The following DTNB variants were observed in gnomAD, a reference collection of about 807,000 sequenced individuals.
DTNB encodes DTN-B.
Under a neutral mutation model 90.7 loss-of-function variants are expected in DTNB, and 63 were observed. That is an observed-to-expected ratio of 0.69 (90% CI 0.57 to 0.86). The LOEUF (loss-of-function observed/expected upper bound fraction) is 0.86. DTNB is among the 40% of genes least tolerant of loss of function. The pLI is 0.00. For missense variants in DTNB, 744 were observed against 807.1 expected, an observed-to-expected ratio of 0.92 and a Z score of 0.95; for synonymous variants, 277 against 286.7, an observed-to-expected ratio of 0.97 and a Z score of 0.34.
chr2:25,486,136 A>C (rs1425712975), intron 9 of DTNB, among the ~76,000 whole-genome samples: 1 of 150,320 alleles, frequency 6.7e-6, no homozygotes, highest in Non-Finnish European at 1.5e-5. Flanking sequence ...AAATAAAATA[A>C]AATAAAATAA....
chr2:25,543,909 A>G (rs1367738148), intron 8 of DTNB, among the ~76,000 whole-genome samples: 1 of 152,186 alleles, frequency 6.6e-6, no homozygotes, highest in East Asian at 1.9e-4. Flanking sequence ...TAGTTTTATG[A>G]ATTAGATGTT....
chr2:25,460,086 A>G (rs891983530), intron 10 of DTNB, among the ~76,000 whole-genome samples: 4 of 152,184 alleles, frequency 2.6e-5, no homozygotes, highest in African/African-American at 9.6e-5. Context: ...AGAGGTCGTA[A>G]GAAATAACAG....
chr2:25,547,783 C>T lies in DTNB; in HGVS notation c.877-16186G>A, dbSNP rs142991441. The stretch of plus-strand genomic sequence containing the variant: ...TGAAAGAACTCACCTGTGAAATAGT[C>T]GAGGCTTGATGCTTTCTTTGGAATG... On this transcript the variant is annotated intron_variant, in intron 8 of 20. Coordinates refer to ENST00000406818, the MANE Select transcript of DTNB (RefSeq NM_021907.5). 2.4e-3 allele frequency among the ~76,000 whole-genome samples: 363 copies of T among 152,226 alleles called. 2 individuals are homozygous for T. The highest frequency in any genetic ancestry group is 8.4e-3 in the African/African-American group (349 of 41,540).
intron 4 of DTNB, among the ~76,000 whole-genome samples, chr2:25,626,723 T>C (rs1233397551): frequency 2.6e-5 from 4 of 152,280 alleles, no homozygotes; most frequent in Non-Finnish European, 4.4e-5. Context: ...GACATTTCCA[T>C]AGTGTTACCA....
chr2:25,505,464 G>C (rs189367735), intron 9 of DTNB, among the ~76,000 whole-genome samples: 1 of 152,060 alleles, frequency 6.6e-6, no homozygotes, highest in African/African-American at 2.4e-5. Context: ...TTTTGAAGGT[G>C]GTAAACTTTT....
intron 3 of DTNB, among the ~76,000 whole-genome samples, chr2:25,633,220 G>A (rs1039722975): frequency 2.0e-5 from 3 of 152,196 alleles, no homozygotes; most frequent in African/African-American, 7.2e-5. Context: ...CCGAGCCGAA[G>A]CTGGACTGTA....
chr2:25,414,570 A>T (rs1427414152), intron 16 of DTNB, among the ~76,000 whole-genome samples: 1 of 152,128 alleles, frequency 6.6e-6, no homozygotes, highest in African/African-American at 2.4e-5. Flanking sequence ...CTTTTTGATA[A>T]AGGATATTTC....
chr2:25,482,765 C>A, intron 10 of DTNB, 31 bp downstream of exon 10: 2 of 1,610,922 alleles, frequency 1.2e-6, no homozygotes, highest in African/African-American at 1.3e-5. Flanking sequence ...CAGAGGCCAA[C>A]ACCCAAGTCG....
chr2:25,496,877 C>T (rs1558766021), intron 9 of DTNB, among the ~76,000 whole-genome samples: 1 of 151,926 alleles, frequency 6.6e-6, no homozygotes, highest in Non-Finnish European at 1.5e-5. Context: ...GTGGGCTGCC[C>T]ATTTAATAGA....
chr2:25,542,674 T>C (rs1364892817), intron 8 of DTNB, among the ~76,000 whole-genome samples: 2 of 152,220 alleles, frequency 1.3e-5, no homozygotes, highest in African/African-American at 2.4e-5. Context: ...TGTAAATATA[T>C]TGAGCAAATT....
At chr2:25,408,471 G>A (rs1381155711) in intron 16 of DTNB, among the ~76,000 whole-genome samples, 3 of 149,520 alleles carry the variant, frequency 2.0e-5, no homozygotes, top group African/African-American at 5.0e-5. Context: ...CCCAGGAGGT[G>A]GAGGTTGCAG....
intron 6 of DTNB, among the ~76,000 whole-genome samples, chr2:25,588,200 C>A (rs1260507358): frequency 6.6e-6 from 1 of 151,308 alleles, no homozygotes; most frequent in Admixed American, 6.6e-5. Flanking sequence ...AAAAAAAAGG[C>A]TCTAAAAAGC....
intron 3 of DTNB, among the ~76,000 whole-genome samples, chr2:25,635,828 G>A (rs766408852): frequency 1.1e-4 from 16 of 152,208 alleles, no homozygotes; most frequent in Admixed American, 3.3e-4. Context: ...AAAGTAGGAA[G>A]ACTTGCCTTG....
At chr2:25,419,733 C>G (rs775560935) in intron 15 of DTNB, among the ~76,000 whole-genome samples, 198 bp from the exon 16 acceptor site, 1 of 152,052 alleles carries the variant, frequency 6.6e-6, no homozygotes, top group Non-Finnish European at 1.5e-5. Flanking sequence ...GGCCTCGGCC[C>G]GGTGAGTGAT....
chr2:25,592,538 T>C (rs1477487621), intron 6 of DTNB, among the ~76,000 whole-genome samples: 1 of 151,800 alleles, frequency 6.6e-6, no homozygotes. Flanking sequence ...CTAAACTACA[T>C]AATCCACAGA....
chr2:25,400,659 G>C (rs2043479001), intron 16 of DTNB, among the ~76,000 whole-genome samples: 1 of 152,198 alleles, frequency 6.6e-6, no homozygotes, highest in Non-Finnish European at 1.5e-5. Flanking sequence ...AGAAGCAAGG[G>C]AAGCTCTGCA....
intron 16 of DTNB, among the ~76,000 whole-genome samples, chr2:25,402,594 T>A (rs1454179293): frequency 6.6e-6 from 1 of 152,220 alleles, no homozygotes; most frequent in Non-Finnish European, 1.5e-5. Flanking sequence ...ATTATGTGTC[T>A]GTTGGAAGGA....
intron 20 of DTNB, 64 bp downstream of exon 20, chr2:25,379,226 G>A (rs1393267880): frequency 2.3e-6 from 3 of 1,289,694 alleles, no homozygotes; most frequent in African/African-American, 1.5e-5. Context: ...GGAAGGGAGG[G>A]GAAGGGAAGA....
At chr2:25,470,422 C>T (rs923806575) in intron 10 of DTNB, among the ~76,000 whole-genome samples, 1 of 145,560 alleles carries the variant, frequency 6.9e-6, no homozygotes, top group Non-Finnish European at 1.5e-5. Flanking sequence ...TGTGCCCAGG[C>T]TGGAGTGCAG....
Sources: allele counts gnomAD v4.1 joint callset (sites outside exome capture counted in the v4.1 genomes callset), GRCh38; gene constraint gnomAD v4.1.1; transcripts MANE v1.5; gene names NCBI Gene and HGNC (gene_info 2026-07-23, HGNC 2026-07-21).